The following OC90 variants were observed in gnomAD, a reference collection of about 807,000 sequenced individuals.
The protein encoded by OC90 is otoconin 90, also known as otoconin-90.
In OC90, 46 loss-of-function variants were observed where a neutral mutation model predicts 47.3. The ratio of observed to expected loss-of-function variants is 0.97; its 90% confidence interval spans 0.77 to 1.24. The LOEUF is 1.24. OC90 is among the 50% of genes most tolerant of loss of function. The probability of loss-of-function intolerance (pLI) is 0.00; values close to 1 mark genes in which losing one functional copy is unlikely to be tolerated. For synonymous variants in OC90, 271 were observed against 219.5 expected, an observed-to-expected ratio of 1.23 and a Z score of -2.07; for missense variants, 688 against 583.9, an observed-to-expected ratio of 1.18 and a Z score of -1.84.
intron 8 of OC90, among the ~76,000 whole-genome samples, chr8:132,038,282 C>T (rs1454241331): frequency 6.6e-6 from 1 of 152,196 alleles, no homozygotes; most frequent in African/African-American, 2.4e-5. Context: ...CGAAAAGCAG[C>T]CTCCCCATCA....
At chr8:132,046,364 C>G (rs899311256) in intron 2 of OC90, among the ~76,000 whole-genome samples, 1 of 152,186 alleles carries the variant, frequency 6.6e-6, no homozygotes, top group African/African-American at 2.4e-5. Context: ...TGTGCTCTCA[C>G]TCAAGTTTGA....
In OC90 at chr8:132,024,301, G is replaced by C. The variant is rs1822720693; in HGVS notation, c.*180C>G. On this transcript the variant is annotated 3_prime_UTR_variant, in exon 14 of 14. Transcript: ENST00000254627. Reference sequence around the variant, plus strand: ...GTGTGCCTTCTCCAAGTGTACATTGGCTTGTGAGGTGACCACAGCTGATGA... The same window carrying C: ...GTGTGCCTTCTCCAAGTGTACATTGCCTTGTGAGGTGACCACAGCTGATGA... The C allele has an allele frequency of 1.9e-6, 1 of 533,056 alleles. No individual in the cohort carries two copies. The highest frequency in any genetic ancestry group is 3.3e-6 in the Non-Finnish European group (1 of 303,024). 33.0% of individuals were successfully genotyped at this position (533,056 alleles called of 1,614,324 possible).
At chr8:132,037,876 A>G (rs2130856449) in intron 8 of OC90, among the ~76,000 whole-genome samples, 1 of 152,346 alleles carries the variant, frequency 6.6e-6, no homozygotes, top group South Asian at 2.1e-4. Flanking sequence ...TATGACATGC[A>G]CATAAGCACA....
At chr8:132,045,693 C>G in intron 3 of OC90, 125 bp downstream of exon 3, 1 of 612,178 alleles carries the variant, frequency 1.6e-6, no homozygotes, top group Middle Eastern at 4.4e-4. Context: ...CCACTTCAAT[C>G]CCTTTACTTA....
chr8:132,029,066 C>T lies in OC90; in HGVS notation c.1138+7G>A, dbSNP rs1463138143. 1 of 1,595,048 alleles carries T rather than the reference C, an allele frequency of 6.3e-7. No individual in the cohort carries two copies. The highest frequency in any genetic ancestry group is 1.3e-5 in the African/African-American group (1 of 74,678). ...TAATAACTCAATGTGCAACCAACAG[C>T]ACTTACACTTGGGCGTATGATCCAC... On this transcript the variant is annotated splice_region_variant and intron_variant, in intron 13 of 13. Transcript: ENST00000254627.
intron 3 of OC90, 98 bp from the exon 4 acceptor site, chr8:132,044,587 A>G: frequency 1.4e-6 from 1 of 709,542 alleles, no homozygotes; most frequent in Non-Finnish European, 2.4e-6. Flanking sequence ...ACCTTTCTTC[A>G]TTCTCCAAAG....
Position 132,028,972 on chromosome 8 carries a change from G to A in OC90, c.1138+101C>T, listed in dbSNP as rs1242815932. 1.8e-5 allele frequency: 14 copies of A among 789,182 alleles called. 1 individual carries two copies. In the Admixed American group the frequency reaches 2.5e-4, roughly 14 times the overall value. The allele number at this position is 789,182 out of a possible 1,614,324, so 48.9% of individuals were successfully genotyped here. A position where few individuals can be genotyped will look rare whatever the true frequency, so the allele number is the denominator to read the frequency against. On this transcript the variant is annotated intron_variant, in intron 13 of 13. Transcript: ENST00000254627. ...GAAAGAAAGAAGAAAAGAGTATTAAGTCACAGTTAAGTGCTTGGGAAACCA... is the reference window on the plus strand; with the variant it reads ...GAAAGAAAGAAGAAAAGAGTATTAAATCACAGTTAAGTGCTTGGGAAACCA...
Position 132,024,627 on chromosome 8 carries a change from G to T in OC90, c.1288C>A (p.His430Asn), listed in dbSNP as rs781626829. 1 of 1,613,608 alleles carries T rather than the reference G, an allele frequency of 6.2e-7. No homozygotes were observed. The highest frequency in any genetic ancestry group is 1.1e-5 in the South Asian group (1 of 91,004). ...AGGGTGGGGGCTGCGGGCACAGGGTGCAGGCTGTCTTCACAGGCTGCTGGC... is the reference window on the plus strand; with the variant it reads ...AGGGTGGGGGCTGCGGGCACAGGGTTCAGGCTGTCTTCACAGGCTGCTGGC... ...GQPAACEDSLHPVPAAPTLGS... is the reference protein window; with the variant it reads ...GQPAACEDSLNPVPAAPTLGS... The change falls in exon 14 of 14, where the codon CAC becomes AAC. Residue 430 changes from histidine (H) to asparagine (N), a missense_variant. His to Asn is a moderately conservative substitution (Grantham distance 68, BLOSUM62 1). Coordinates refer to ENST00000254627, the MANE Select transcript of OC90 (RefSeq NM_001080399.3).
At chr8:132,032,680 G>A (rs1223480216) in intron 11 of OC90, among the ~76,000 whole-genome samples, 1 of 152,200 alleles carries the variant, frequency 6.6e-6, no homozygotes, top group East Asian at 1.9e-4. Context: ...GGCATCAGAG[G>A]GAGGAGAGAC....
intron 10 of OC90, 121 bp from the exon 11 acceptor site, chr8:132,033,285 C>T (rs1586707920): frequency 9.8e-7 from 1 of 1,015,752 alleles, no homozygotes; most frequent in Non-Finnish European, 1.5e-6. Flanking sequence ...GAATGTTCCT[C>T]AAACTGGGTT....
intron 13 of OC90, among the ~76,000 whole-genome samples, chr8:132,028,477 G>A (rs1469688151): frequency 6.6e-6 from 1 of 150,796 alleles, no homozygotes; most frequent in Admixed American, 6.6e-5. Flanking sequence ...ACTCCAGCCT[G>A]GTGGCCGAGT....
rs575983611 is a variant in OC90, at chr8:132,024,363, G to A, written c.*118C>T. ...GGCTCACGGCCTCTGTTCCCTCCCC[G>A]CCTCTGAGTTAAAGGAAGGGAAGAA... On this transcript the variant is annotated 3_prime_UTR_variant, in exon 14 of 14. Transcript: ENST00000254627. The A allele has an allele frequency of 3.1e-4, 251 of 819,022 alleles. No individual in the cohort carries two copies. The highest frequency in any genetic ancestry group is 1.6e-3 in the East Asian group (59 of 37,352). The allele number at this position is 819,022 out of a possible 1,614,324, so 50.7% of individuals were successfully genotyped here.
chr8:132,047,506 A>T (rs991513851), intron 2 of OC90, among the ~76,000 whole-genome samples: 1 of 152,192 alleles, frequency 6.6e-6, no homozygotes, highest in African/African-American at 2.4e-5. Context: ...TCCAATTGTA[A>T]AAAGTTTGTT....
At chr8:132,039,937 C>T (rs770868201) in intron 6 of OC90, among the ~76,000 whole-genome samples, 2 of 152,180 alleles carry the variant, frequency 1.3e-5, no homozygotes, top group African/African-American at 2.4e-5. Flanking sequence ...CTCCACAGCT[C>T]TTGTCCCTCT....
At chr8:132,048,716 C>G (rs1362851205) in intron 2 of OC90, among the ~76,000 whole-genome samples, 1 of 151,566 alleles carries the variant, frequency 6.6e-6, no homozygotes, top group Non-Finnish European at 1.5e-5. Flanking sequence ...CTTTTGTCCC[C>G]ACTCCCCCCT....
chr8:132,053,140 C>T (rs1430083458), intron 2 of OC90, among the ~76,000 whole-genome samples: 1 of 152,074 alleles, frequency 6.6e-6, no homozygotes, highest in Non-Finnish European at 1.5e-5. Context: ...TGGTTCCATT[C>T]AAAGTTCAAG....
chr8:132,028,484 G>A (rs1220455332), intron 13 of OC90, among the ~76,000 whole-genome samples: 1 of 149,672 alleles, frequency 6.7e-6, no homozygotes, highest in South Asian at 2.1e-4. Flanking sequence ...CCTGGTGGCC[G>A]AGTGAAACAC....
intron 1 of OC90, among the ~76,000 whole-genome samples, chr8:132,055,633 C>G (rs1273843316): frequency 6.6e-6 from 1 of 152,222 alleles, no homozygotes; most frequent in Non-Finnish European, 1.5e-5. Flanking sequence ...CATGGTGGCG[C>G]TGCATGCTAG....
intron 2 of OC90, among the ~76,000 whole-genome samples, chr8:132,049,573 C>T (rs1823185733): frequency 6.6e-6 from 1 of 152,210 alleles, no homozygotes. Context: ...CCCTTTCATT[C>T]TCTGAAGATG....
Sources: allele counts gnomAD v4.1 joint callset (sites outside exome capture counted in the v4.1 genomes callset), GRCh38; gene constraint gnomAD v4.1.1; transcripts MANE v1.5; gene names NCBI Gene and HGNC (gene_info 2026-07-23, HGNC 2026-07-21).